Variants in AMMECR1 observed in about 807,000 individuals in gnomAD.
AMMECR1 encodes the protein AMMECR nuclear protein 1.
In AMMECR1, 3 loss-of-function variants were observed where a neutral mutation model predicts 22.5. The ratio of observed to expected loss-of-function variants is 0.13; its 90% CI spans 0.06 to 0.35. The LOEUF is 0.35. Among genes scored for constraint, AMMECR1 ranks in the 10% least tolerant of loss-of-function variants. AMMECR1 has a pLI of 1.00. For missense variants in AMMECR1, 235 were observed against 278.7 expected (o/e 0.84, Z 1.12); for synonymous variants, 130 against 116.7 (o/e 1.11, Z -0.74).
chrX:110,348,119 A>T (rs1602917336), intron 2 of AMMECR1, among the ~76,000 whole-genome samples: 1 of 112,259 alleles, frequency 8.9e-6, no homozygotes, highest in Non-Finnish European at 1.9e-5. Flanking sequence ...CTCATCCAAA[A>T]GAATTATTAT....
chrX:110,235,121 C>T (rs921899030), intron 2 of AMMECR1, among the ~76,000 whole-genome samples: 3 of 111,970 alleles, frequency 2.7e-5, no homozygotes, highest in Non-Finnish European at 5.6e-5. Context: ...CTACAAAGAA[C>T]TTAAACAAAT....
At chrX:110,377,990 CAGAGCGAG>C (rs2068390078) in intron 2 of AMMECR1, among the ~76,000 whole-genome samples, 2 of 78,053 alleles carry the variant, frequency 2.6e-5, no homozygotes, top group East Asian at 7.9e-4. Flanking sequence ...GCCTGGGCGA[CAGAGCGAG>C]ACTCCGTCTC....
At chrX:110,322,542 G>A (rs1291097299), upstream of AMMECR1, among the ~76,000 whole-genome samples, 1 of 111,972 alleles carries the variant, frequency 8.9e-6, no homozygotes, top group Admixed American at 9.4e-5. Flanking sequence ...TAATCTCATT[G>A]TGTTCTGGGG....
chrX:110,371,680 C>T (rs1263150344), intron 2 of AMMECR1, among the ~76,000 whole-genome samples: 1 of 111,225 alleles, frequency 9.0e-6, no homozygotes, highest in Non-Finnish European at 1.9e-5. Context: ...TCTCCTGGCT[C>T]CCTCTTTATG....
At position 110,196,405 on chromosome X, in the gene AMMECR1, TTTTTG is replaced by T. The variant is rs2067371449; in HGVS notation, c.*2110_*2114del. 1 of 110,259 alleles carries T rather than the reference TTTTTG, an allele frequency of 9.1e-6. No homozygotes were observed. The highest frequency in any genetic ancestry group is 3.3e-5 in the African/African-American group (1 of 30,351). 9.1% of individuals were successfully genotyped at this position (110,259 alleles called of 1,213,427 possible). A position where few individuals can be genotyped will look rare whatever the true frequency, so the allele number is the denominator to read the frequency against. On this transcript the variant is annotated 3_prime_UTR_variant, in exon 6 of 6. Coordinates refer to ENST00000262844, the MANE Select transcript of AMMECR1 (RefSeq NM_015365.3). ...TTTTTTTGTTTTTTGTTTTGTTTTT[TTTTTG>T]TTTGTTTTTTTTTGCAGCAGACAAT...
At chrX:110,399,949 A>G (rs1458800237) in intron 2 of AMMECR1, among the ~76,000 whole-genome samples, 3 of 111,934 alleles carry the variant, frequency 2.7e-5, no homozygotes, top group Non-Finnish European at 5.6e-5. Flanking sequence ...ACAACATTTT[A>G]AAGAAATTGA....
At chrX:110,341,527 T>C (rs1459419999) in intron 2 of AMMECR1, among the ~76,000 whole-genome samples, 3 of 112,141 alleles carry the variant, frequency 2.7e-5, no homozygotes, top group East Asian at 2.8e-4. Context: ...GGTGATGAAA[T>C]CTTGCACCAT....
At chrX:110,259,208 C>T (rs772399337) in intron 2 of AMMECR1, among the ~76,000 whole-genome samples, 1 of 111,586 alleles carries the variant, frequency 9.0e-6, no homozygotes, top group Admixed American at 9.5e-5. Context: ...CCACACAGAA[C>T]AAAATAAAAC....
At chrX:110,403,623 T>C (rs1156256543) in intron 2 of AMMECR1, among the ~76,000 whole-genome samples, 1 of 111,705 alleles carries the variant, frequency 9.0e-6, no homozygotes, top group Non-Finnish European at 1.9e-5. Context: ...AGACTCCCCT[T>C]ACCCAGACTC....
chrX:110,203,284 T>C (rs1473953937), intron 3 of AMMECR1, among the ~76,000 whole-genome samples: 1 of 111,838 alleles, frequency 8.9e-6, no homozygotes, highest in African/African-American at 3.2e-5. Context: ...AACTTTTTAA[T>C]GTAAAACAAG....
At chrX:110,401,355 C>T (rs765432410) in intron 2 of AMMECR1, among the ~76,000 whole-genome samples, 1 of 111,594 alleles carries the variant, frequency 9.0e-6, no homozygotes, top group African/African-American at 3.3e-5. Context: ...CACCTACATG[C>T]TGCAACACCT....
At chrX:110,221,365 TCTCA>T (rs1362785662) in intron 2 of AMMECR1, among the ~76,000 whole-genome samples, 1 of 111,689 alleles carries the variant, frequency 9.0e-6, no homozygotes, top group Non-Finnish European at 1.9e-5. Context: ...TACCGCTCTG[TCTCA>T]CTAAGTAGCA....
chrX:110,282,638 T>C (rs763952437), intron 1 of AMMECR1, among the ~76,000 whole-genome samples: 1 of 111,860 alleles, frequency 8.9e-6, no homozygotes, highest in Non-Finnish European at 1.9e-5. Flanking sequence ...AGGGATACTC[T>C]GAGATTATCA....
intron 2 of AMMECR1, among the ~76,000 whole-genome samples, chrX:110,402,787 G>A (rs1042521213): frequency 8.9e-6 from 1 of 112,253 alleles, no homozygotes. Context: ...GAGCTTAGGT[G>A]TAGGTGATGG....
intron 1 of AMMECR1, among the ~76,000 whole-genome samples, chrX:110,297,337 A>T (rs1053648356): frequency 9.0e-6 from 1 of 111,332 alleles, no homozygotes; most frequent in Non-Finnish European, 1.9e-5. Context: ...TCCCGAGGAT[A>T]GGGCTTTTCC....
intron 2 of AMMECR1, among the ~76,000 whole-genome samples, chrX:110,241,283 G>T (rs757360375): frequency 9.0e-6 from 1 of 111,311 alleles, no homozygotes; most frequent in African/African-American, 3.3e-5. Flanking sequence ...AAAAAAATCA[G>T]TGAATTCAGG....
At chrX:110,256,476 CT>C (rs1401139227) in intron 2 of AMMECR1, among the ~76,000 whole-genome samples, 2 of 110,880 alleles carry the variant, frequency 1.8e-5, no homozygotes, top group Non-Finnish European at 1.9e-5. Flanking sequence ...ATATTTATTT[CT>C]TTTGTTAACA....
intron 2 of AMMECR1, among the ~76,000 whole-genome samples, chrX:110,392,724 A>G (rs1168462295): frequency 8.9e-6 from 1 of 112,293 alleles, no homozygotes; most frequent in East Asian, 2.8e-4. Context: ...GGGTTACAGC[A>G]AAGTGCTGTA....
At chrX:110,405,089 C>A (rs947531640) in intron 2 of AMMECR1, among the ~76,000 whole-genome samples, 4 of 43,236 alleles carry the variant, frequency 9.3e-5, no homozygotes, top group Non-Finnish European at 1.4e-4. Context: ...CTTGTTGTGT[C>A]CCCCCCCCCC....
Sources: gnomAD v4.1 joint callset for allele counts (sites outside exome capture counted in the v4.1 genomes callset) on GRCh38, gnomAD v4.1.1 for gene constraint, MANE v1.5 for transcripts, NCBI Gene and HGNC (gene_info 2026-07-23, HGNC 2026-07-21) for gene names.